CDH9: variants seen among roughly 807,000 people sequenced by gnomAD.
The protein encoded by CDH9 is cadherin-9.
A neutral mutation model predicts 70.9 loss-of-function variants in CDH9; 28 were observed. The ratio of observed to expected loss-of-function variants is 0.40; its 90% CI spans 0.29 to 0.54. CDH9 has a LOEUF of 0.54. CDH9 is among the 20% of genes least tolerant of loss of function. CDH9 has a pLI of 0.59. For missense variants in CDH9, 874 were observed against 984.4 expected, an observed-to-expected ratio of 0.89 and a Z score of 1.50; for synonymous variants, 409 against 343.1, an observed-to-expected ratio of 1.19 and a Z score of -2.12.
Position 26,902,502 on chromosome 5 carries a change from A to G in CDH9, c.1227T>C (p.Asp409=). The G allele has an allele frequency of 6.2e-7, 1 of 1,604,518 alleles. No homozygotes were observed. Among genetic ancestry groups the G allele is most frequent in the Non-Finnish European group, 8.5e-7 (1 of 1,171,882 alleles). ...GSIIGQVTAY[D]PDARNNLIKY... ...TTATTAAATTGTTCCTGGCATCTGG[A>G]TCGTATGCTGTAACCTGTCCAATGA... The change falls in exon 7 of 12, where the codon GAT becomes GAC. Residue 409 remains aspartate, a synonymous_variant. Transcript: ENST00000231021.
intron 2 of CDH9, among the ~76,000 whole-genome samples, chr5:26,930,273 A>T (rs906411116): frequency 4.6e-5 from 7 of 152,182 alleles, no homozygotes; most frequent in East Asian, 1.9e-4. Flanking sequence ...TTTGTTTGTT[A>T]TAAGTTTATG....
At chr5:27,009,945 G>T (rs1266569669) in intron 1 of CDH9, among the ~76,000 whole-genome samples, 2 of 151,994 alleles carry the variant, frequency 1.3e-5, no homozygotes, top group Admixed American at 1.3e-4. Flanking sequence ...GCTTTGTTAG[G>T]TGAGACACAG....
In CDH9 at chr5:26,981,218, G is replaced by A. The variant is rs142853736; in HGVS notation, c.228+6888C>T. Among the ~76,000 whole-genome samples, 693 of 152,080 alleles carry A rather than the reference G, an allele frequency of 4.6e-3. 2 individuals are homozygous for A. The highest frequency in any genetic ancestry group is 0.015 in the African/African-American group (626 of 41,518). Reference sequence around the variant, plus strand: ...AATACATAATCATCCCTCGGTATCCGTGGGTGATTGGTTCCAGGAATCCCT... The same window carrying A: ...AATACATAATCATCCCTCGGTATCCATGGGTGATTGGTTCCAGGAATCCCT... On this transcript the variant is annotated intron_variant, in intron 2 of 11. Transcript: ENST00000231021.
chr5:27,022,494 T>C (rs1743155127), intron 1 of CDH9, among the ~76,000 whole-genome samples: 1 of 152,088 alleles, frequency 6.6e-6, no homozygotes, highest in Admixed American at 6.6e-5. Flanking sequence ...CATAAACATA[T>C]ATAACGAGTT....
intron 7 of CDH9, among the ~76,000 whole-genome samples, chr5:26,894,629 T>G (rs1467164782): frequency 1.3e-5 from 2 of 152,130 alleles, no homozygotes; most frequent in Non-Finnish European, 1.5e-5. Context: ...GCCAAACTTC[T>G]ATTTTCACCC....
At chr5:26,992,819 G>A (rs528489681) in intron 1 of CDH9, among the ~76,000 whole-genome samples, 42 of 152,212 alleles carry the variant, frequency 2.8e-4, no homozygotes, top group Admixed American at 9.8e-4. Context: ...AATAATGGCC[G>A]GGCGTGGTGG....
chr5:26,885,722 C>T lies in CDH9; in HGVS notation c.1774G>A (p.Asp592Asn), dbSNP rs746260289. ...CAGGATTGCATGTTTCCTTGATTAT[C>T]GCAGGCACACACACGGATAGTGAGT... Reference protein sequence around the residue: ...GTLTIRVCACDNQGNMQSCTA... With the variant: ...GTLTIRVCACNNQGNMQSCTA... Residue 592 changes from aspartate (D) to asparagine (N), a missense_variant, in exon 11 of 12, where the codon GAT becomes AAT. By Grantham distance (23) the Asp-to-Asn change is conservative. Transcript: ENST00000231021. The T allele has an allele frequency of 1.4e-5, 23 of 1,613,438 alleles. No homozygotes were observed. The highest frequency in any genetic ancestry group is 1.2e-4 in the South Asian group (11 of 91,038).
intron 2 of CDH9, among the ~76,000 whole-genome samples, chr5:26,987,422 C>A (rs999974427): frequency 2.0e-5 from 3 of 151,572 alleles, no homozygotes; most frequent in African/African-American, 7.3e-5. Flanking sequence ...GGAAAGGTCA[C>A]GCCACTAAAG....
At chr5:26,976,381 A>T (rs1469150340) in intron 2 of CDH9, among the ~76,000 whole-genome samples, 1 of 152,168 alleles carries the variant, frequency 6.6e-6, no homozygotes, top group Non-Finnish European at 1.5e-5. Flanking sequence ...AGTTACCAAA[A>T]ATACACAGGC....
intron 1 of CDH9, among the ~76,000 whole-genome samples, chr5:27,011,083 A>G (rs982679569): frequency 5.9e-5 from 9 of 152,182 alleles, no homozygotes; most frequent in African/African-American, 2.2e-4. Context: ...GAATTCCACG[A>G]TTATTTCTAA....
At chr5:26,993,841 C>T (rs889826556) in intron 1 of CDH9, among the ~76,000 whole-genome samples, 3 of 152,010 alleles carry the variant, frequency 2.0e-5, no homozygotes, top group Non-Finnish European at 4.4e-5. Flanking sequence ...CTTCACAGGG[C>T]TTCAGGGTAG....
intron 7 of CDH9, among the ~76,000 whole-genome samples, chr5:26,895,090 A>T (rs895823091): frequency 2.0e-5 from 3 of 152,044 alleles, no homozygotes. Context: ...GAAATATGTC[A>T]AGAATGCATT....
intron 3 of CDH9, among the ~76,000 whole-genome samples, chr5:26,911,798 T>G (rs1370878993): frequency 6.6e-6 from 1 of 152,174 alleles, no homozygotes; most frequent in African/African-American, 2.4e-5. Flanking sequence ...AATATGCTAG[T>G]GTATTTCAGA....
chr5:26,884,696 C>T (rs1275072385), intron 11 of CDH9, among the ~76,000 whole-genome samples: 3 of 152,138 alleles, frequency 2.0e-5, no homozygotes, highest in Admixed American at 6.6e-5. Flanking sequence ...ATCCAGATAG[C>T]TTGAAAGGAT....
chr5:26,974,472 A>G (rs534007690), intron 2 of CDH9, among the ~76,000 whole-genome samples: 19 of 152,278 alleles, frequency 1.2e-4, no homozygotes, highest in African/African-American at 4.6e-4. Flanking sequence ...ACTATAGAGA[A>G]TGTTATAGTC....
At chr5:26,917,233 C>A (rs560047963) in intron 2 of CDH9, among the ~76,000 whole-genome samples, 51 of 151,978 alleles carry the variant, frequency 3.4e-4, no homozygotes, top group South Asian at 2.1e-4. Context: ...AAATTCATCA[C>A]CTCACATACT....
chr5:26,890,759 T>A (rs182661360), intron 7 of CDH9, 195 bp from the exon 8 acceptor site: 153 of 539,378 alleles, frequency 2.8e-4, no homozygotes, highest in Middle Eastern at 1.5e-3. Context: ...CTACTTACTA[T>A]ATTATCCTAT....
intron 2 of CDH9, among the ~76,000 whole-genome samples, chr5:26,971,409 C>T (rs990045830): frequency 2.6e-5 from 4 of 152,148 alleles, no homozygotes; most frequent in Non-Finnish European, 5.9e-5. Flanking sequence ...TTCATTCCAA[C>T]TTTAGCGAAA....
At chr5:26,903,936 A>C in intron 5 of CDH9, 112 bp from the exon 6 acceptor site, 4 of 600,612 alleles carry the variant, frequency 6.7e-6, no homozygotes. Context: ...AGTTTTTATC[A>C]TATTGAATTG....
Sources: allele counts gnomAD v4.1 joint callset (sites outside exome capture counted in the v4.1 genomes callset), GRCh38; gene constraint gnomAD v4.1.1; transcripts MANE v1.5; gene names NCBI Gene and HGNC (gene_info 2026-07-23, HGNC 2026-07-21).